Variants in TNPO1 observed in about 807,000 individuals in gnomAD.
TNPO1 encodes the protein transportin-1.
In TNPO1, 8 loss-of-function variants were observed where a neutral mutation model predicts 119.5. The observed-to-expected ratio is 0.07, with a 90% confidence interval of 0.04 to 0.12. The LOEUF is 0.12. TNPO1 is among the 10% of genes least tolerant of loss of function. The probability of loss-of-function intolerance (pLI) is 1.00; values close to 1 mark genes in which losing one functional copy is unlikely to be tolerated. For missense variants in TNPO1, 576 were observed against 1,089.8 expected (o/e 0.53, Z 6.64); for synonymous variants, 362 against 363.0 (o/e 1.00, Z 0.03).
intron 6 of TNPO1, among the ~76,000 whole-genome samples, chr5:72,868,256 C>T (rs946151614): frequency 6.6e-6 from 1 of 151,780 alleles, no homozygotes; most frequent in African/African-American, 2.4e-5. Flanking sequence ...CATGGTGAAA[C>T]CCCGCCTCTG....
chr5:72,871,016 C>CTAGA (rs1747356112), intron 6 of TNPO1, among the ~76,000 whole-genome samples: 1 of 152,134 alleles, frequency 6.6e-6, no homozygotes, highest in Non-Finnish European at 1.5e-5. Flanking sequence ...ATCGCCCAGG[C>CTAGA]TAGAGTACAG....
intron 5 of TNPO1, among the ~76,000 whole-genome samples, chr5:72,865,164 G>A (rs868111304): frequency 6.6e-6 from 1 of 151,940 alleles, no homozygotes; most frequent in African/African-American, 2.4e-5. Context: ...ATATTAGAGC[G>A]GGCATGGTGG....
intron 6 of TNPO1, among the ~76,000 whole-genome samples, chr5:72,866,228 T>C (rs924298544): frequency 6.6e-6 from 1 of 152,222 alleles, no homozygotes; most frequent in Non-Finnish European, 1.5e-5. Context: ...CCAGTGGCTG[T>C]TGTTCCCATC....
intron 22 of TNPO1, among the ~76,000 whole-genome samples, chr5:72,903,459 T>C (rs1749929703): frequency 6.6e-6 from 1 of 152,194 alleles, no homozygotes; most frequent in African/African-American, 2.4e-5. Context: ...CACAGGGGGT[T>C]ATTTTGTTGT....
At chr5:72,893,074 T>C in intron 15 of TNPO1, 65 bp from the exon 16 acceptor site, 1 of 1,272,874 alleles carries the variant, frequency 7.9e-7, no homozygotes, top group Non-Finnish European at 1.1e-6. Context: ...GAGCGCAGTT[T>C]CAAGCATTCA....
At chr5:72,865,149 A>G (rs915957225) in intron 5 of TNPO1, among the ~76,000 whole-genome samples, 1 of 152,150 alleles carries the variant, frequency 6.6e-6, no homozygotes, top group African/African-American at 2.4e-5. Flanking sequence ...TTGTTTTAAA[A>G]TTGAATATTA....
chr5:72,906,275 C>CTTTTTTTTTTTTT lies in TNPO1; in HGVS notation c.*35+856_*35+868dup, dbSNP rs869051297. On this transcript the variant is annotated intron_variant, in intron 24 of 24. Coordinates refer to ENST00000337273, the MANE Select transcript of TNPO1 (RefSeq NM_002270.4). ...CCATGTGCCCATCACTTTTTTTTTT[C>CTTTTTTTTTTTTT]TTTTTTTTTTTTTTTTTTTTTTTTT... 1.7e-3 allele frequency among the ~76,000 whole-genome samples: 92 copies of CTTTTTTTTTTTTT among 54,696 alleles called. 23 individuals carry two copies. The highest frequency in any genetic ancestry group is 3.4e-3 in the East Asian group (5 of 1,462). 35.9% of individuals were successfully genotyped at this position (54,696 alleles called of 152,430 possible).
At chr5:72,893,086 C>A in intron 15 of TNPO1, 53 bp from the exon 16 acceptor site, 2 of 1,384,490 alleles carry the variant, frequency 1.4e-6, no homozygotes, top group Non-Finnish European at 2.0e-6. Context: ...AAGCATTCAT[C>A]ATAATCTTCA....
At chr5:72,903,686 G>C in intron 22 of TNPO1, 23 bp from the exon 23 acceptor site, 1 of 1,533,210 alleles carries the variant, frequency 6.5e-7, no homozygotes, top group Non-Finnish European at 9.0e-7. Flanking sequence ...ATCAACCTAA[G>C]ATGTATTTCT....
chr5:72,889,442 T>A (rs1748891966), intron 13 of TNPO1, among the ~76,000 whole-genome samples: 1 of 152,228 alleles, frequency 6.6e-6, no homozygotes, highest in South Asian at 2.1e-4. Flanking sequence ...ATAGATTATG[T>A]TTGAGATCCT....
chr5:72,855,919 T>C lies in TNPO1; in HGVS notation c.351T>C (p.Thr117=), dbSNP rs1236515902. The C allele has an allele frequency of 6.2e-7, 1 of 1,613,272 alleles. No homozygotes were observed. The highest frequency in any genetic ancestry group is 2.2e-5 in the East Asian group (1 of 44,808). Residue 117 remains threonine, a synonymous_variant, in exon 4 of 25, where the codon ACT becomes ACC. Coordinates refer to ENST00000337273, the MANE Select transcript of TNPO1 (RefSeq NM_002270.4). ...IGDSSPLIRA[T]VGILITTIAS... ...ACTCCTCTCCTCTGATTAGAGCCAC[T>C]GTTGGTAAGTTATATTACAACAGTT...
chr5:72,887,408 G>A (rs1304367576), intron 12 of TNPO1, among the ~76,000 whole-genome samples, 186 bp downstream of exon 12: 1 of 152,186 alleles, frequency 6.6e-6, no homozygotes, highest in Non-Finnish European at 1.5e-5. Flanking sequence ...AGGTAACAGA[G>A]GCCAGGCATG....
intron 20 of TNPO1, among the ~76,000 whole-genome samples, chr5:72,897,502 T>A (rs1453122386): frequency 6.6e-6 from 1 of 150,802 alleles, no homozygotes; most frequent in Non-Finnish European, 1.5e-5. Context: ...TTTTTTTTAA[T>A]CTGTCCAAAT....
At chr5:72,825,504 C>T (rs967264503) in intron 1 of TNPO1, among the ~76,000 whole-genome samples, 4 of 151,974 alleles carry the variant, frequency 2.6e-5, no homozygotes, top group East Asian at 3.9e-4. Flanking sequence ...TGGCTAAAAC[C>T]GTGAAACCCT....
rs759775771 is a variant in TNPO1 at position 72,877,365 on chromosome 5, A to C, written c.920+19A>C. On this transcript the variant is annotated intron_variant, in intron 9 of 24. Transcript: ENST00000337273. The stretch of plus-strand genomic sequence containing the variant: ...TTCCTAAGTAAGTGTTCCCTCTTAT[A>C]AATGCTGCCTTGTTCTTTAATTTCT... 9.6e-5 allele frequency: 120 copies of C among 1,248,274 alleles called. No individual in the cohort carries two copies. Among genetic ancestry groups the C allele is most frequent in the Middle Eastern group, 1.9e-4 (1 of 5,244 alleles). 77.3% of individuals were successfully genotyped at this position (1,248,274 alleles called of 1,614,324 possible). A position where few individuals can be genotyped will look rare whatever the true frequency, so the allele number is the denominator to read the frequency against.
At chr5:72,886,533 T>G (rs199718827) in intron 11 of TNPO1, among the ~76,000 whole-genome samples, 2 of 152,242 alleles carry the variant, frequency 1.3e-5, no homozygotes, top group East Asian at 3.8e-4. Context: ...ATGACAGTTA[T>G]GTACAGAATA....
At chr5:72,848,210 G>C (rs1745232529) in intron 1 of TNPO1, 175 bp from the exon 2 acceptor site, 2 of 1,239,410 alleles carry the variant, frequency 1.6e-6, no homozygotes. Context: ...CAGTTCCGCC[G>C]GGTTTCACTG....
At chr5:72,855,678 C>T in intron 3 of TNPO1, 96 bp from the exon 4 acceptor site, 1 of 1,019,922 alleles carries the variant, frequency 9.8e-7, no homozygotes, top group Non-Finnish European at 1.4e-6. Context: ...GTTTGAATGT[C>T]AATCAACTTT....
At chr5:72,889,151 G>A (rs1342998341) in intron 13 of TNPO1, among the ~76,000 whole-genome samples, 1 of 152,050 alleles carries the variant, frequency 6.6e-6, no homozygotes, top group East Asian at 1.9e-4. Flanking sequence ...TCCGCCTCTC[G>A]GGTTCAAGCA....
Sources: gnomAD v4.1 joint callset for allele counts (sites outside exome capture counted in the v4.1 genomes callset) on GRCh38, gnomAD v4.1.1 for gene constraint, MANE v1.5 for transcripts, NCBI Gene and HGNC (gene_info 2026-07-23, HGNC 2026-07-21) for gene names.